The following PDE1C variants were observed in gnomAD, a reference collection of about 807,000 sequenced individuals.
PDE1C encodes dual specificity calcium/calmodulin-dependent 3',5'-cyclic nucleotide phosphodiesterase 1C.
PDE1C carries 62 observed loss-of-function variants against 93.1 expected under a neutral mutation model. The observed-to-expected ratio is 0.67, with a 90% CI of 0.54 to 0.82. The LOEUF (loss-of-function observed/expected upper bound fraction) is 0.82. Among genes scored for constraint, PDE1C ranks in the 40% least tolerant of loss-of-function variants. The pLI is 0.00. For missense variants in PDE1C, 742 were observed against 884.6 expected (o/e 0.84, Z 2.04); for synonymous variants, 325 against 310.1 (o/e 1.05, Z -0.50).
At chr7:32,053,457 C>G (rs1002048050) in intron 1 of PDE1C, among the ~76,000 whole-genome samples, 37 of 152,150 alleles carry the variant, frequency 2.4e-4, no homozygotes, top group Admixed American at 5.2e-4. Context: ...TGACCTGTGC[C>G]CTTGGACTCA....
chr7:31,863,389 A>G (rs1034910779), intron 7 of PDE1C, among the ~76,000 whole-genome samples: 23 of 152,184 alleles, frequency 1.5e-4, no homozygotes, highest in African/African-American at 5.3e-4. Context: ...CAACTTTTGA[A>G]GATATCATAT....
chr7:31,789,804 A>T (rs1273830625), intron 16 of PDE1C: 1 of 992,580 alleles, frequency 1.0e-6, no homozygotes, highest in East Asian at 1.1e-4. Flanking sequence ...AAATGACAAC[A>T]TTTAAAGTAA....
intron 1 of PDE1C, among the ~76,000 whole-genome samples, chr7:32,417,948 A>T (rs756284567): frequency 3.3e-5 from 5 of 152,148 alleles, no homozygotes; most frequent in Non-Finnish European, 5.9e-5. Flanking sequence ...ATATTATAAA[A>T]TGTACTTCTG....
intron 1 of PDE1C, among the ~76,000 whole-genome samples, chr7:32,292,645 G>A (rs1242412723): frequency 3.9e-5 from 6 of 152,198 alleles, no homozygotes; most frequent in Non-Finnish European, 1.5e-5. Context: ...GCAAAAGGAA[G>A]ATGGGGTTCT....
In PDE1C at chr7:32,406,531, CAAA is replaced by C. The variant is rs5883350; in HGVS notation, c.310+21288_310+21290del. 7.3e-3 allele frequency among the ~76,000 whole-genome samples: 970 copies of C among 133,232 alleles called. 4 individuals are homozygous for C. The highest frequency in any genetic ancestry group is 0.017 in the African/African-American group (603 of 35,842). The allele number at this position is 133,232 out of a possible 152,430, so 87.4% of individuals were successfully genotyped here. On this transcript the variant is annotated intron_variant, in intron 1 of 1. Coordinates refer to the PDE1C transcript ENST00000672256. ...TTTACACCAAAACACCTCCATAATGCAAAAAAAAAAAAAAAAAATTGGAATCCA... is the reference window on the plus strand; with the variant it reads ...TTTACACCAAAACACCTCCATAATGCAAAAAAAAAAAAAAATTGGAATCCA...
chr7:31,957,019 G>C (rs1423236141), intron 2 of PDE1C, among the ~76,000 whole-genome samples: 1 of 151,264 alleles, frequency 6.6e-6, no homozygotes, highest in Non-Finnish European at 1.5e-5. Context: ...AAACACCAGG[G>C]GTGAAATTGA....
intron 3 of PDE1C, among the ~76,000 whole-genome samples, chr7:32,119,642 A>C (rs936492474): frequency 6.6e-6 from 1 of 152,104 alleles, no homozygotes; most frequent in Admixed American, 6.5e-5. Context: ...CACAGAGAGG[A>C]AGGAAGAGCA....
At chr7:32,296,871 G>A (rs973663853) in intron 1 of PDE1C, among the ~76,000 whole-genome samples, 1 of 152,036 alleles carries the variant, frequency 6.6e-6, no homozygotes, top group African/African-American at 2.4e-5. Context: ...CATTTGACAG[G>A]GAAAGATACA....
the PDE1C span, among the ~76,000 whole-genome samples, chr7:31,737,686 C>T: frequency 6.6e-5 from 10 of 151,316 alleles, no homozygotes; most frequent in Admixed American, 6.6e-5. Context: ...CCTGTAATCC[C>T]AGCTACTCGG....
At chr7:31,712,966 G>C in the PDE1C span, among the ~76,000 whole-genome samples, 2 of 152,134 alleles carry the variant, frequency 1.3e-5, no homozygotes, top group Admixed American at 6.6e-5. Flanking sequence ...TGAGATTTGG[G>C]GGGGACACAG....
chr7:32,330,679 G>T (rs1783495087), intron 1 of PDE1C, among the ~76,000 whole-genome samples: 2 of 152,164 alleles, frequency 1.3e-5, no homozygotes. Context: ...GCCAAGGCCT[G>T]TTCCCGAGCC....
intron 7 of PDE1C, among the ~76,000 whole-genome samples, chr7:31,851,957 G>C (rs3801347): frequency 0.18 from 28,031 of 152,166 alleles, 2,692 homozygotes; most frequent in Middle Eastern, 0.29. Context: ...ATCTTAGATA[G>C]GGGCAGGGTT....
the PDE1C span, among the ~76,000 whole-genome samples, chr7:31,631,552 A>G: frequency 6.6e-6 from 1 of 152,162 alleles, no homozygotes; most frequent in Non-Finnish European, 1.5e-5. Context: ...TCATACTGAA[A>G]AGCAAGAGTA....
chr7:32,147,302 AAG>A lies in PDE1C; in HGVS notation c.308+22481_308+22482del, dbSNP rs1491021197. Among the ~76,000 whole-genome samples, 48 of 142,432 alleles carry A rather than the reference AAG, an allele frequency of 3.4e-4. 5 individuals are homozygous for A. The East Asian group carries it at 9.3e-3, about 27-fold the overall frequency. 93.4% of individuals were successfully genotyped at this position (142,432 alleles called of 152,430 possible). A position where few individuals can be genotyped will look rare whatever the true frequency, so the allele number is the denominator to read the frequency against. On this transcript the variant is annotated intron_variant, in intron 3 of 18. Coordinates refer to the PDE1C transcript ENST00000396193. ...AAAGAAAGAAAGAAAGAAAGAAAGAAAGAAAGAAAGAAAGAAAGAAAGAAAGA... is the reference window on the plus strand; with the variant it reads ...AAAGAAAGAAAGAAAGAAAGAAAGAAAAAGAAAGAAAGAAAGAAAGAAAGA...
intron 9 of PDE1C, among the ~76,000 whole-genome samples, chr7:31,842,623 C>T (rs1477345606): frequency 1.3e-5 from 2 of 152,046 alleles, no homozygotes; most frequent in East Asian, 1.9e-4. Flanking sequence ...ATAGGATATA[C>T]TGTTGGTACT....
At chr7:32,339,234 T>A (rs1783695790) in intron 1 of PDE1C, among the ~76,000 whole-genome samples, 1 of 152,142 alleles carries the variant, frequency 6.6e-6, no homozygotes, top group Non-Finnish European at 1.5e-5. Context: ...ATTTAAAAAA[T>A]TTTTAGGTTT....
chr7:32,184,834 G>A (rs966767039), intron 2 of PDE1C, among the ~76,000 whole-genome samples: 28 of 152,114 alleles, frequency 1.8e-4, no homozygotes, highest in Non-Finnish European at 3.1e-4. Context: ...CTTCTTGGCC[G>A]GGCACTGTGG....
At chr7:32,250,872 A>G (rs977063973) in intron 1 of PDE1C, among the ~76,000 whole-genome samples, 1 of 152,232 alleles carries the variant, frequency 6.6e-6, no homozygotes, top group Non-Finnish European at 1.5e-5. Flanking sequence ...GCTGTAACAC[A>G]CCGCAAAGGC....
intron 1 of PDE1C, among the ~76,000 whole-genome samples, chr7:32,214,592 T>C (rs926505406): frequency 6.6e-6 from 1 of 152,184 alleles, no homozygotes; most frequent in Non-Finnish European, 1.5e-5. Context: ...CAGGAGGACA[T>C]GGCTTTGATT....
Sources: gnomAD v4.1 joint callset for allele counts (sites outside exome capture counted in the v4.1 genomes callset) on GRCh38, gnomAD v4.1.1 for gene constraint, MANE v1.5 for transcripts, NCBI Gene and HGNC (gene_info 2026-07-23, HGNC 2026-07-21) for gene names.